HCFC1: variants seen among roughly 807,000 people sequenced by gnomAD.
HCFC1 encodes the protein host cell factor 1.
A neutral mutation model predicts 105.5 loss-of-function variants in HCFC1; 7 were observed. The observed-to-expected ratio is 0.07, with a 90% CI of 0.04 to 0.12. HCFC1 has a LOEUF of 0.12. HCFC1 is among the 10% of genes least tolerant of loss of function. HCFC1 has a pLI of 1.00. For missense variants in HCFC1, 1,065 were observed against 1,823.6 expected, an observed-to-expected ratio of 0.58 and a Z score of 7.58; for synonymous variants, 918 against 828.1, an observed-to-expected ratio of 1.11 and a Z score of -1.86.
Position 153,958,032 on chromosome X carries a change from C to T in HCFC1, c.2021G>A (p.Ser674Asn). The change falls in exon 11 of 26, where the codon AGT (serine) becomes AAT (asparagine). Residue 674 changes from serine (S) to asparagine (N), a missense_variant. By Grantham distance (46) the Ser-to-Asn change is conservative. Coordinates refer to ENST00000310441, the MANE Select transcript of HCFC1 (RefSeq NM_005334.3). Reference protein sequence around the residue: ...VKSPISVPGGSALISNLGKVM... With the variant: ...VKSPISVPGGNALISNLGKVM... ...GCAGCACCCATCACTCACCAGAGCA[C>T]TGCCTCCTGGGACAGAGATGGGGCT... The T allele has an allele frequency of 8.3e-7, 1 of 1,209,800 alleles. No homozygotes were observed. The highest frequency in any genetic ancestry group is 1.1e-6 in the Non-Finnish European group (1 of 893,582).
intron 22 of HCFC1, 79 bp downstream of exon 22, chrX:153,951,271 G>A: frequency 1.8e-6 from 2 of 1,096,434 alleles, no homozygotes; most frequent in Non-Finnish European, 2.5e-6. Context: ...AAAGATGGAG[G>A]AGTTTCCTGT....
chrX:153,953,809 C>G, intron 17 of HCFC1, 39 bp from the exon 18 acceptor site: 1 of 1,160,608 alleles, frequency 8.6e-7, no homozygotes, highest in Non-Finnish European at 1.2e-6. Context: ...CAGCAGGAGC[C>G]CCCCCGGCCT....
chrX:153,959,669 C>T (rs964650885), intron 8 of HCFC1, 133 bp downstream of exon 8: 201 of 975,664 alleles, frequency 2.1e-4, no homozygotes, highest in Non-Finnish European at 2.6e-4. Context: ...CCCCTACAAC[C>T]CTTGGAGACA....
intron 3 of HCFC1, among the ~76,000 whole-genome samples, 178 bp downstream of exon 3, chrX:153,963,946 T>C (rs917755670): frequency 2.7e-5 from 3 of 111,624 alleles, no homozygotes; most frequent in Non-Finnish European, 5.7e-5. Flanking sequence ...AGTAGCGATT[T>C]TGGAGCCCGA....
Position 153,954,074 on chromosome X carries a change from G to A in HCFC1, c.4325C>T (p.Ser1442Leu), listed in dbSNP as rs2065343229. ...TATTVTSNMS[S>L]NQDPPPAASD... is the part of the protein sequence containing the mutation. Reference sequence around the variant, plus strand: ...TGGCCACCTTCACTTACCTTGGTTTGAACTCATGTTGGAAGTGACAGTGGT... The same window carrying A: ...TGGCCACCTTCACTTACCTTGGTTTAAACTCATGTTGGAAGTGACAGTGGT... The change falls in exon 17 of 26, where the codon TCA becomes TTA. Residue 1442 changes from serine (S) to leucine (L), a missense_variant. Coordinates refer to ENST00000310441, the MANE Select transcript of HCFC1 (RefSeq NM_005334.3). 8.3e-7 allele frequency: 1 copy of A among 1,197,883 alleles called. No homozygotes were observed. The highest frequency in any genetic ancestry group is 3.0e-5 in the East Asian group (1 of 33,577).
chrX:153,949,160 G>C lies in HCFC1; in HGVS notation c.*187C>G. The C allele has an allele frequency of 7.3e-6, 3 of 413,065 alleles. No individual in the cohort carries two copies. Among genetic ancestry groups the C allele is most frequent in the Non-Finnish European group, 8.5e-6 (2 of 234,179 alleles). 34.0% of individuals were successfully genotyped at this position (413,065 alleles called of 1,213,427 possible). A position where few individuals can be genotyped will look rare whatever the true frequency, so the allele number is the denominator to read the frequency against. On this transcript the variant is annotated 3_prime_UTR_variant, in exon 26 of 26. Transcript: ENST00000310441. ...CATCTGCCTCTGCTTCCTCCCAACA[G>C]CAATGGTAAAATGTGCTTTCTTTAG...
chrX:153,959,875 G>C lies in HCFC1; in HGVS notation c.1371C>G (p.Thr457=). ...TTGGCAAGACCTGGATGGTGGTGGT[G>C]GTCGGGGGTGCGGGGGCAGCCTGGG... The part of the protein sequence containing the change: ...LLPQAAPAPP[T]TTTIQVLPTV... Residue 457 remains threonine, a synonymous_variant, in exon 8 of 26, where the codon ACC becomes ACG. Coordinates refer to ENST00000310441, the MANE Select transcript of HCFC1 (RefSeq NM_005334.3). The C allele has an allele frequency of 1.4e-5, 17 of 1,196,307 alleles. No homozygotes were observed. Among genetic ancestry groups the C allele is most frequent in the Non-Finnish European group, 1.9e-5 (17 of 885,744 alleles).
rs7061316 is a variant in HCFC1, at chrX:153,971,538, C to T, written c.-698G>A. 632 of 291,775 alleles carry T rather than the reference C, an allele frequency of 2.2e-3. 3 individuals carry two copies. Among genetic ancestry groups the T allele is most frequent in the African/African-American group, 0.015 (560 of 36,539 alleles). 24.0% of individuals were successfully genotyped at this position (291,775 alleles called of 1,213,427 possible). On this transcript the variant is annotated 5_prime_UTR_variant, in exon 1 of 26. Coordinates refer to ENST00000310441, the MANE Select transcript of HCFC1 (RefSeq NM_005334.3). Reference sequence around the variant, plus strand: ...GGCTTGTGAAGTCTCGCGCCTCTCCCCTTAGTCCGCCTCTGCTGCTCAGGC... The same window carrying T: ...GGCTTGTGAAGTCTCGCGCCTCTCCTCTTAGTCCGCCTCTGCTGCTCAGGC...
In HCFC1 at chrX:153,950,554, G is replaced by C. The variant is rs1557112189; in HGVS notation, c.5704-11C>G. 3 of 1,148,463 alleles carry C rather than the reference G, an allele frequency of 2.6e-6. No individual in the cohort carries two copies. Among genetic ancestry groups the C allele is most frequent in the African/African-American group, 3.6e-5 (2 of 55,340 alleles). The allele number at this position is 1,148,463 out of a possible 1,213,427, so 94.6% of individuals were successfully genotyped here. ...AGCACCATCCGGACTCTAGAAGCCA[G>C]GGGGTCAGAAGGTCAACAGAACAGG... On this transcript the variant is annotated splice_polypyrimidine_tract_variant and intron_variant, in intron 23 of 25. Transcript: ENST00000310441.
rs1557115234 is a variant in HCFC1, at chrX:153,957,074, T to C, written c.2354-14A>G. 1 of 1,202,546 alleles carries C rather than the reference T, an allele frequency of 8.3e-7. No homozygotes were observed. Among genetic ancestry groups the C allele is most frequent in the Non-Finnish European group, 1.1e-6 (1 of 891,399 alleles). On this transcript the variant is annotated splice_polypyrimidine_tract_variant and intron_variant, in intron 13 of 25. Transcript: ENST00000310441. ...TGCTGGTCACACCTGGATGGGAGAG[T>C]GGGGCCCAGGGGAGACAGGCTCTGT...
intron 8 of HCFC1, 96 bp downstream of exon 8, chrX:153,959,706 G>C: frequency 9.4e-7 from 1 of 1,068,379 alleles, no homozygotes; most frequent in Non-Finnish European, 1.3e-6. Flanking sequence ...CTGCTGGCCT[G>C]CTGTCTAGGC....
chrX:153,963,704 G>A (rs1225819550), intron 3 of HCFC1, among the ~76,000 whole-genome samples: 1 of 112,822 alleles, frequency 8.9e-6, no homozygotes, highest in Non-Finnish European at 1.9e-5. Flanking sequence ...CACAAAGCTG[G>A]GTATTATATG....
At chrX:153,970,538 G>C in intron 1 of HCFC1, 110 bp downstream of exon 1, 1 of 507,374 alleles carries the variant, frequency 2.0e-6, no homozygotes, top group South Asian at 3.1e-5. Context: ...GGAGGAGATG[G>C]AGGGAGGGAG....
At chrX:153,968,731 G>A (rs782668529) in intron 1 of HCFC1, among the ~76,000 whole-genome samples, 5 of 112,843 alleles carry the variant, frequency 4.4e-5, no homozygotes, top group African/African-American at 1.3e-4. Context: ...CTCTGGAGCC[G>A]ACTGTAATTA....
intron 1 of HCFC1, among the ~76,000 whole-genome samples, chrX:153,966,610 A>G (rs1408800386): frequency 1.8e-5 from 2 of 112,254 alleles, no homozygotes; most frequent in Non-Finnish European, 3.8e-5. Flanking sequence ...GGGTAAACGC[A>G]TAACGAGACC....
chrX:153,961,775 G>C, intron 5 of HCFC1, 127 bp from the exon 6 acceptor site: 1 of 509,358 alleles, frequency 2.0e-6, no homozygotes. Flanking sequence ...AAGGATGCGT[G>C]AAGCCTCCTG....
Position 153,951,902 on chromosome X carries a change from G to A in HCFC1, c.5199C>T (p.Leu1733=). ...TGGGGACCGTGCCGGCCAGCTCATT[G>A]AGGCAATTGCTCTCAATGGCTGGGT... is the stretch of plus-strand genomic sequence containing the variant. The part of the protein sequence containing the change: ...LNDPAIESNC[L]NELAGTVPST... The change falls in exon 20 of 26, where the codon CTC becomes CTT. Residue 1733 remains leucine (L), a synonymous_variant. Transcript: ENST00000310441. 1.7e-6 allele frequency: 2 copies of A among 1,192,895 alleles called. No individual in the cohort carries two copies. The highest frequency in any genetic ancestry group is 1.8e-5 in the South Asian group (1 of 54,498).
chrX:153,960,173 C>G lies in HCFC1; in HGVS notation c.1085-12G>C, dbSNP rs3027893. On this transcript the variant is annotated splice_polypyrimidine_tract_variant and intron_variant, in intron 7 of 25. Coordinates refer to ENST00000310441, the MANE Select transcript of HCFC1 (RefSeq NM_005334.3). ...GGGTGGTGGCTTTTCTGTGGGAGAA[C>G]GCAGTTGGTGAGAAGGGGCGGGAGG... 1 of 1,203,781 alleles carries G rather than the reference C, an allele frequency of 8.3e-7. No individual in the cohort carries two copies. The highest frequency in any genetic ancestry group is 1.1e-6 in the Non-Finnish European group (1 of 890,696).
chrX:153,950,915 G>T lies in HCFC1; in HGVS notation c.5601C>A (p.Ala1867=). ...GCCCCCGGCCACAGGCATTGATTCC[G>T]GCAACACGAAACTTATAGGCTGTGC... ...QPGTAYKFRV[A]GINACGRGPF... is the part of the protein sequence containing the mutation. The change falls in exon 23 of 26, where the codon GCC becomes GCA. Residue 1867 remains alanine, a synonymous_variant. Coordinates refer to ENST00000310441, the MANE Select transcript of HCFC1 (RefSeq NM_005334.3). 1.7e-6 allele frequency: 2 copies of T among 1,210,760 alleles called. No individual in the cohort carries two copies. Among genetic ancestry groups the T allele is most frequent in the Non-Finnish European group, 2.2e-6 (2 of 894,974 alleles).
Sources: gnomAD v4.1 joint callset for allele counts (sites outside exome capture counted in the v4.1 genomes callset) on GRCh38, gnomAD v4.1.1 for gene constraint, MANE v1.5 for transcripts, NCBI Gene and HGNC (gene_info 2026-07-23, HGNC 2026-07-21) for gene names.